Variants in KANSL1L observed in about 807,000 individuals in gnomAD.
KANSL1L encodes KAT8 regulatory NSL complex subunit 1-like protein.
In KANSL1L, 25 loss-of-function variants were observed where a neutral mutation model predicts 108.6. The ratio of observed to expected loss-of-function variants is 0.23; its 90% CI spans 0.17 to 0.32. KANSL1L has a LOEUF of 0.32. Among genes scored for constraint, KANSL1L ranks in the 10% least tolerant of loss-of-function variants. The pLI, the probability that KANSL1L is intolerant of heterozygous loss-of-function variation, is 1.00. For missense variants in KANSL1L, 1,137 were observed against 1,125.7 expected (o/e 1.01, Z -0.14); for synonymous variants, 405 against 395.1 (o/e 1.03, Z -0.30).
In KANSL1L at chr2:210,085,095, C is replaced by T. The variant is rs1209193605; in HGVS notation, c.1551-9339G>A. Among the ~76,000 whole-genome samples, 3 of 152,034 alleles carry T rather than the reference C, an allele frequency of 2.0e-5. No homozygotes were observed. The East Asian group carries it at 5.8e-4, about 29-fold the overall frequency. On this transcript the variant is annotated intron_variant, in intron 5 of 14. Transcript: ENST00000281772. ...TGAATATGGATAGAGAATTTCAAGA[C>T]TAACAAATTATGGTTAACAGTATTA...
chr2:210,023,730 A>G (rs1304395680), intron 14 of KANSL1L, among the ~76,000 whole-genome samples: 1 of 152,192 alleles, frequency 6.6e-6, no homozygotes, highest in Non-Finnish European at 1.5e-5. Context: ...AAGAAATAGC[A>G]GCTAACTTTG....
chr2:210,042,306 A>G (rs897147332), intron 7 of KANSL1L, among the ~76,000 whole-genome samples: 20 of 152,314 alleles, frequency 1.3e-4, no homozygotes, highest in Admixed American at 4.6e-4. Flanking sequence ...TAGTACTTAC[A>G]TATAGTAGGT....
At chr2:210,043,818 A>C in intron 7 of KANSL1L, 121 bp downstream of exon 7, 1 of 581,446 alleles carries the variant, frequency 1.7e-6, no homozygotes. Context: ...GGCATTGCTT[A>C]GTTCTAATAT....
intron 5 of KANSL1L, among the ~76,000 whole-genome samples, chr2:210,084,168 T>A (rs1013332660): frequency 2.2e-4 from 34 of 152,130 alleles, no homozygotes; most frequent in Non-Finnish European, 3.4e-4. Context: ...ATGCCTGTAA[T>A]CCCAGCACTT....
chr2:210,056,336 A>G (rs920425278), intron 6 of KANSL1L, among the ~76,000 whole-genome samples: 5 of 152,210 alleles, frequency 3.3e-5, no homozygotes, highest in African/African-American at 9.7e-5. Flanking sequence ...AAAGGAACCA[A>G]ATTAATCTTT....
chr2:210,121,463 T>C (rs571100483), intron 3 of KANSL1L, among the ~76,000 whole-genome samples: 1 of 151,800 alleles, frequency 6.6e-6, no homozygotes, highest in Non-Finnish European at 1.5e-5. Context: ...CATGAACACA[T>C]AGAGGGGAAT....
intron 5 of KANSL1L, among the ~76,000 whole-genome samples, chr2:210,078,362 A>AT (rs1370139354): frequency 6.6e-6 from 1 of 152,210 alleles, no homozygotes; most frequent in African/African-American, 2.4e-5. Context: ...GGGGGCTAAC[A>AT]TATTACCAGA....
At chr2:210,047,438 GAAC>G (rs1479029480) in intron 6 of KANSL1L, among the ~76,000 whole-genome samples, 1 of 152,054 alleles carries the variant, frequency 6.6e-6, no homozygotes, top group Non-Finnish European at 1.5e-5. Flanking sequence ...CAAGACACTA[GAAC>G]ATGAATACAA....
intron 11 of KANSL1L, among the ~76,000 whole-genome samples, chr2:210,027,755 G>C (rs1438052321): frequency 6.6e-6 from 1 of 152,130 alleles, no homozygotes; most frequent in African/African-American, 2.4e-5. Flanking sequence ...TTAATAACTG[G>C]CTCACAGAAG....
At chr2:210,082,957 T>C (rs1416699288) in intron 5 of KANSL1L, among the ~76,000 whole-genome samples, 1 of 152,106 alleles carries the variant, frequency 6.6e-6, no homozygotes, top group Non-Finnish European at 1.5e-5. Flanking sequence ...ACCCAGAACC[T>C]CAGAATGTAA....
chr2:210,136,762 A>G (rs1014774604), intron 2 of KANSL1L, among the ~76,000 whole-genome samples: 1 of 152,176 alleles, frequency 6.6e-6, no homozygotes, highest in African/African-American at 2.4e-5. Flanking sequence ...GGCCTGCGAA[A>G]CACTATAATG....
At chr2:210,071,641 A>T (rs529941872) in intron 6 of KANSL1L, among the ~76,000 whole-genome samples, 4 of 152,088 alleles carry the variant, frequency 2.6e-5, no homozygotes, top group Non-Finnish European at 5.9e-5. Context: ...ATCTTAACTA[A>T]TTGCATCTTT....
At chr2:210,051,798 G>A (rs1207679028) in intron 6 of KANSL1L, among the ~76,000 whole-genome samples, 1 of 151,912 alleles carries the variant, frequency 6.6e-6, no homozygotes, top group Non-Finnish European at 1.5e-5. Context: ...TTTAGGAGTG[G>A]GCTGTTTATT....
In KANSL1L at chr2:210,154,010, A is replaced by C. The variant is rs770961547; in HGVS notation, c.573T>G (p.Gly191=). The change falls in exon 2 of 15, where the codon GGT becomes GGG. Residue 191 remains glycine (G), a synonymous_variant. Coordinates refer to ENST00000281772, the MANE Select transcript of KANSL1L (RefSeq NM_152519.4). ...DKVTDAEIKK[G]LLHCTQKKIV... The stretch of plus-strand genomic sequence containing the variant: ...TTTTCTTTTGAGTACAGTGCAATAA[A>C]CCCTTTTTAATCTCAGCATCAGTAA... The C allele has an allele frequency of 6.2e-7, 1 of 1,613,852 alleles. No homozygotes were observed. The highest frequency in any genetic ancestry group is 8.5e-7 in the Non-Finnish European group (1 of 1,179,992).
chr2:210,026,852 G>A (rs2093944391), intron 12 of KANSL1L, among the ~76,000 whole-genome samples: 1 of 152,002 alleles, frequency 6.6e-6, no homozygotes, highest in Admixed American at 6.5e-5. Flanking sequence ...CTCATTGCAA[G>A]CTCCGCCTCC....
chr2:210,130,840 A>G (rs1481685824), intron 2 of KANSL1L, among the ~76,000 whole-genome samples: 2 of 46,662 alleles, frequency 4.3e-5, no homozygotes, highest in African/African-American at 1.7e-4. Flanking sequence ...GCAAGGTGGT[A>G]ACAATTTTTT....
chr2:210,120,591 G>A (rs369034449), intron 3 of KANSL1L, among the ~76,000 whole-genome samples: 12 of 152,210 alleles, frequency 7.9e-5, no homozygotes, highest in East Asian at 1.9e-4. Context: ...CACAGGCAAC[G>A]ATTTCATGAC....
chr2:210,029,760 ATT>A, intron 10 of KANSL1L, 41 bp downstream of exon 10: 2 of 987,486 alleles, frequency 2.0e-6, no homozygotes, highest in South Asian at 3.1e-5. Context: ...AGGTGTTTTT[ATT>A]TTTAAAGCTA....
chr2:210,092,876 T>G (rs2094704289), intron 5 of KANSL1L, among the ~76,000 whole-genome samples: 1 of 151,936 alleles, frequency 6.6e-6, no homozygotes, highest in Non-Finnish European at 1.5e-5. Flanking sequence ...GGATTGAAAA[T>G]CCATGTAAAA....
Sources: allele counts gnomAD v4.1 joint callset (sites outside exome capture counted in the v4.1 genomes callset), GRCh38; gene constraint gnomAD v4.1.1; transcripts MANE v1.5; gene names NCBI Gene and HGNC (gene_info 2026-07-23, HGNC 2026-07-21).